Variants in SEC14L1 observed in about 807,000 individuals in gnomAD.
SEC14L1 encodes SEC14-like protein 1.
Under a neutral mutation model 85.3 loss-of-function variants are expected in SEC14L1, and 48 were observed. That is an observed-to-expected ratio of 0.56 (90% confidence interval 0.45 to 0.72). SEC14L1 has a LOEUF of 0.72. Ranked by LOEUF, SEC14L1 falls within the 30% of genes least tolerant of loss-of-function variation. SEC14L1 has a pLI of 0.00. For synonymous variants in SEC14L1, 391 were observed against 355.5 expected, an observed-to-expected ratio of 1.10 and a Z score of -1.12; for missense variants, 682 against 921.4, an observed-to-expected ratio of 0.74 and a Z score of 3.36.
intron 3 of SEC14L1, among the ~76,000 whole-genome samples, chr17:77,108,305 G>A (rs1212497940): frequency 2.0e-5 from 3 of 152,146 alleles, no homozygotes; most frequent in African/African-American, 7.2e-5. Context: ...AGTTCTGTCC[G>A]GCAGGAAGCC....
rs961305029 is a variant in SEC14L1, at chr17:77,215,633, C to A, written c.*1610C>A. ...GTCCCAGGGCCTGTGCTGTGATCAC[C>A]TGCCTTTGGACCACATTTGTGTTTG... On this transcript the variant is annotated 3_prime_UTR_variant, in exon 17 of 17. Coordinates refer to ENST00000436233, the MANE Select transcript of SEC14L1 (RefSeq NM_001143998.2). 492 of 990,378 alleles carry A rather than the reference C, an allele frequency of 5.0e-4. No individual in the cohort carries two copies. The highest frequency in any genetic ancestry group is 2.1e-3 in the Middle Eastern group (4 of 1,950). 61.3% of individuals were successfully genotyped at this position (990,378 alleles called of 1,614,324 possible). A position where few individuals can be genotyped will look rare whatever the true frequency, so the allele number is the denominator to read the frequency against.
At chr17:77,090,399 A>G (rs977486443) in intron 2 of SEC14L1, among the ~76,000 whole-genome samples, 2 of 151,586 alleles carry the variant, frequency 1.3e-5, no homozygotes, top group Admixed American at 1.3e-4. Context: ...TCACACCTGT[A>G]ATCTGAGCAC....
chr17:77,143,518 A>T (rs565398753), intron 2 of SEC14L1, 49 bp from the exon 3 acceptor site: 1 of 1,142,902 alleles, frequency 8.7e-7, no homozygotes, highest in African/African-American at 1.5e-5. Context: ...CTTACTAATA[A>T]TTTGTTTCTG....
chr17:77,205,445 A>G lies in SEC14L1; in HGVS notation c.1169+99A>G, dbSNP rs537784232. On this transcript the variant is annotated intron_variant, in intron 11 of 16. Transcript: ENST00000436233. ...ATTAAAATCTACTTATTATTTTCCA[A>G]GGTGCTCTAAAAGGTAGACAAGAAG... 9.1e-5 allele frequency: 98 copies of G among 1,075,142 alleles called. No homozygotes were observed. In the Admixed American group the frequency reaches 1.0e-3, roughly 11 times the overall value. 66.6% of individuals were successfully genotyped at this position (1,075,142 alleles called of 1,614,324 possible).
intron 3 of SEC14L1, among the ~76,000 whole-genome samples, chr17:77,175,562 G>C (rs974057291): frequency 3.9e-5 from 6 of 152,366 alleles, no homozygotes; most frequent in African/African-American, 1.4e-4. Context: ...TGCCCGGGCA[G>C]CTGTAGTTCC....
chr17:77,190,770 T>C (rs780750649), intron 3 of SEC14L1, 33 bp from the exon 4 acceptor site: 9 of 1,612,622 alleles, frequency 5.6e-6, no homozygotes, highest in Middle Eastern at 3.3e-4. Flanking sequence ...GTGTCTTTGC[T>C]CACTTCTGCT....
chr17:77,121,570 G>C (rs1886707312), intron 3 of SEC14L1, among the ~76,000 whole-genome samples: 1 of 152,088 alleles, frequency 6.6e-6, no homozygotes, highest in African/African-American at 2.4e-5. Context: ...TGTTGGCCAG[G>C]ATGATCTCAA....
At chr17:77,140,804 C>G (rs2041909716), upstream of SEC14L1, 1 of 152,028 alleles carries the variant, frequency 6.6e-6, no homozygotes, top group African/African-American at 2.4e-5. Context: ...CTGCGCAGTT[C>G]GGGCCCCGGG....
At chr17:77,187,379 C>CA (rs1335385634) in intron 3 of SEC14L1, among the ~76,000 whole-genome samples, 15 of 151,758 alleles carry the variant, frequency 9.9e-5, no homozygotes, top group Non-Finnish European at 1.3e-4. Context: ...TGCCCCCCCC[C>CA]CACACCCCTT....
rs759881429 is a variant in SEC14L1, at chr17:77,216,553, C to A, written c.*2530C>A. ...TTCTCTTTCTCTGTGTCTCAGATGG[C>A]GATTTTGCTGACAGCTGCCAAGAAA... is the stretch of plus-strand genomic sequence containing the variant. On this transcript the variant is annotated 3_prime_UTR_variant, in exon 17 of 17. Coordinates refer to ENST00000436233, the MANE Select transcript of SEC14L1 (RefSeq NM_001143998.2). 6.2e-7 allele frequency: 1 copy of A among 1,613,284 alleles called. No individual in the cohort carries two copies. The highest frequency in any genetic ancestry group is 1.1e-5 in the South Asian group (1 of 91,082).
chr17:77,179,375 G>C (rs1258393136), intron 3 of SEC14L1, among the ~76,000 whole-genome samples: 4 of 152,184 alleles, frequency 2.6e-5, no homozygotes, highest in Admixed American at 6.5e-5. Flanking sequence ...CATGTTTACT[G>C]TCTGTTCTTT....
chr17:77,115,697 G>T (rs990515684), intron 3 of SEC14L1, among the ~76,000 whole-genome samples: 1 of 152,102 alleles, frequency 6.6e-6, no homozygotes, highest in South Asian at 2.1e-4. Context: ...AAAGGAGCAT[G>T]TTCTCTTGCT....
intron 3 of SEC14L1, among the ~76,000 whole-genome samples, chr17:77,129,381 C>T (rs944296103): frequency 5.3e-5 from 8 of 151,956 alleles, no homozygotes; most frequent in Non-Finnish European, 8.8e-5. Flanking sequence ...GTCCTGCCAA[C>T]GTGGGGAAGG....
chr17:77,169,462 A>AG (rs1225939948), intron 3 of SEC14L1, among the ~76,000 whole-genome samples: 1 of 152,192 alleles, frequency 6.6e-6, no homozygotes, highest in East Asian at 1.9e-4. Flanking sequence ...CCAAGTGGGA[A>AG]GGGGACTATC....
intron 3 of SEC14L1, among the ~76,000 whole-genome samples, chr17:77,166,343 T>C (rs1036221272): frequency 1.9e-4 from 29 of 152,204 alleles, no homozygotes; most frequent in African/African-American, 6.8e-4. Flanking sequence ...TGAAGCTTAA[T>C]GAAATTAAAT....
chr17:77,173,367 C>CG (rs1006751960), intron 3 of SEC14L1, among the ~76,000 whole-genome samples: 10 of 65,604 alleles, frequency 1.5e-4, no homozygotes, highest in African/African-American at 2.6e-4. Flanking sequence ...CAACGTGAGT[C>CG]GGGGGAAGGG....
chr17:77,147,016 G>A (rs1973340426), intron 3 of SEC14L1, among the ~76,000 whole-genome samples: 1 of 152,180 alleles, frequency 6.6e-6, no homozygotes, highest in Non-Finnish European at 1.5e-5. Flanking sequence ...AGGTGAGAAC[G>A]GAACCGTAGC....
upstream of SEC14L1, among the ~76,000 whole-genome samples, chr17:77,138,692 G>A (rs1972866252): frequency 6.6e-6 from 1 of 152,174 alleles, no homozygotes; most frequent in Non-Finnish European, 1.5e-5. Context: ...AGGCGTGGTG[G>A]CACATGCCTG....
At chr17:77,101,844 T>C (rs1212893661) in intron 3 of SEC14L1, among the ~76,000 whole-genome samples, 1 of 152,214 alleles carries the variant, frequency 6.6e-6, no homozygotes, top group South Asian at 2.1e-4. Context: ...GTAATTCCTT[T>C]AAACCAGCGT....
Sources: gnomAD v4.1 joint callset for allele counts (sites outside exome capture counted in the v4.1 genomes callset) on GRCh38, gnomAD v4.1.1 for gene constraint, MANE v1.5 for transcripts, NCBI Gene and HGNC (gene_info 2026-07-23, HGNC 2026-07-21) for gene names.